SLC44A1: variants seen among roughly 807,000 people sequenced by gnomAD.
SLC44A1 encodes the protein solute carrier family 44 member 1.
A neutral mutation model predicts 79.3 loss-of-function variants in SLC44A1; 26 were observed. The ratio of observed to expected loss-of-function variants is 0.33; its 90% CI spans 0.24 to 0.46. The LOEUF (loss-of-function observed/expected upper bound fraction) is 0.46, where lower values mean the gene tolerates loss of function less well. Ranked by LOEUF, SLC44A1 falls within the 20% of genes least tolerant of loss-of-function variation. The pLI, the probability that SLC44A1 is intolerant of heterozygous loss-of-function variation, is 1.00. For synonymous variants in SLC44A1, 263 were observed against 286.2 expected, an observed-to-expected ratio of 0.92 and a Z score of 0.82; for missense variants, 688 against 798.1, an observed-to-expected ratio of 0.86 and a Z score of 1.66.
intron 15 of SLC44A1, among the ~76,000 whole-genome samples, chr9:105,431,949 G>A (rs1302020677): frequency 6.6e-6 from 1 of 152,182 alleles, no homozygotes; most frequent in Non-Finnish European, 1.5e-5. Flanking sequence ...TTGAGACAGG[G>A]TCTCACTCTG....
chr9:105,378,597 T>A (rs1398577151), intron 13 of SLC44A1, among the ~76,000 whole-genome samples: 1 of 152,064 alleles, frequency 6.6e-6, no homozygotes, highest in Non-Finnish European at 1.5e-5. Context: ...TTATAATATT[T>A]CAAATGACTT....
intron 1 of SLC44A1, among the ~76,000 whole-genome samples, chr9:105,252,993 C>T (rs147344678): frequency 3.0e-4 from 45 of 152,240 alleles, no homozygotes; most frequent in African/African-American, 1.0e-3. Context: ...CTCTGGGGGA[C>T]TCCTTTGTAA....
In SLC44A1 at chr9:105,390,347, TA is replaced by T. The variant is rs1347718897; in HGVS notation, c.*1298del. ...TAACTCCTTTTTGTTACAATTTTTT[TA>T]AAAAAAGCTATTTTTGTTAATGTAA... is the stretch of plus-strand genomic sequence containing the variant. On this transcript the variant is annotated 3_prime_UTR_variant, in exon 16 of 16. Coordinates refer to ENST00000374720, the MANE Select transcript of SLC44A1 (RefSeq NM_080546.5). The T allele has an allele frequency of 9.5e-6, 9 of 948,958 alleles. No homozygotes were observed. The South Asian group carries it at 1.5e-4, about 16-fold the overall frequency. The allele number at this position is 948,958 out of a possible 1,614,324, so 58.8% of individuals were successfully genotyped here.
intron 12 of SLC44A1, among the ~76,000 whole-genome samples, chr9:105,373,979 G>A (rs902099180): frequency 2.0e-5 from 3 of 152,202 alleles, no homozygotes; most frequent in African/African-American, 7.2e-5. Flanking sequence ...CCCAGAGCTG[G>A]AGGTAGTGAC....
intron 3 of SLC44A1, among the ~76,000 whole-genome samples, chr9:105,312,150 A>G (rs1450269682): frequency 3.3e-5 from 5 of 152,212 alleles, no homozygotes; most frequent in Admixed American, 3.3e-4. Context: ...AAGTCAACAA[A>G]TCAGTCCTCT....
intron 1 of SLC44A1, among the ~76,000 whole-genome samples, chr9:105,262,587 T>C (rs1186169183): frequency 2.0e-5 from 3 of 152,232 alleles, no homozygotes; most frequent in Non-Finnish European, 4.4e-5. Context: ...GGTGGCTCTT[T>C]TGTTGCTCTT....
chr9:105,251,010 C>T (rs555064179), intron 1 of SLC44A1, among the ~76,000 whole-genome samples: 1 of 152,150 alleles, frequency 6.6e-6, no homozygotes, highest in Non-Finnish European at 1.5e-5. Context: ...GCCACTCTTC[C>T]TTACCCTTTC....
intron 15 of SLC44A1, among the ~76,000 whole-genome samples, chr9:105,422,166 A>C (rs1404546144): frequency 6.6e-6 from 1 of 152,076 alleles, no homozygotes; most frequent in Non-Finnish European, 1.5e-5. Context: ...AGTAGTTAGA[A>C]ATTTCCCCTT....
intron 2 of SLC44A1, among the ~76,000 whole-genome samples, chr9:105,304,402 T>C: frequency 6.6e-6 from 1 of 152,226 alleles, no homozygotes; most frequent in East Asian, 1.9e-4. Context: ...GTTTCCTTTC[T>C]TTATTTTAAT....
In SLC44A1 at chr9:105,394,108, G is replaced by A. The variant is rs901883189; in HGVS notation, c.*5052G>A. ...ACTCAAAATGCTCATAGAATTTCAG[G>A]GCCCTCAGACGGCCAGCTTCCACCC... On this transcript the variant is annotated 3_prime_UTR_variant, in exon 16 of 16. Transcript: ENST00000374720. 2.7e-5 allele frequency: 27 copies of A among 985,344 alleles called. No homozygotes were observed. Among genetic ancestry groups the A allele is most frequent in the Non-Finnish European group, 3.1e-5 (26 of 829,938 alleles). The allele number at this position is 985,344 out of a possible 1,614,324, so 61.0% of individuals were successfully genotyped here.
intron 1 of SLC44A1, among the ~76,000 whole-genome samples, chr9:105,251,515 A>C (rs1375783034): frequency 6.6e-6 from 1 of 152,108 alleles, no homozygotes. Context: ...TCCTACTTAA[A>C]ACCCTTTAAT....
chr9:105,382,518 A>G (rs1056268204), intron 13 of SLC44A1, among the ~76,000 whole-genome samples: 8 of 152,310 alleles, frequency 5.3e-5, no homozygotes, highest in Admixed American at 3.9e-4. Context: ...AAGTTCTAAG[A>G]CTATACATGT....
intron 1 of SLC44A1, among the ~76,000 whole-genome samples, chr9:105,273,211 C>T (rs1055704188): frequency 2.6e-5 from 4 of 152,090 alleles, no homozygotes; most frequent in East Asian, 1.9e-4. Flanking sequence ...AGGCTCATCT[C>T]GAACTCCCGA....
In SLC44A1 at chr9:105,389,121, TTGTG is replaced by T; in HGVS notation, c.*72_*75del. On this transcript the variant is annotated 3_prime_UTR_variant, in exon 16 of 16. Transcript: ENST00000374720. ...ACAATATATACACATAACTATGTAT[TTGTG>T]TGTGTGGGTGTGTGTATATATGTAT... 6.3e-7 allele frequency: 1 copy of T among 1,588,900 alleles called. No individual in the cohort carries two copies. The highest frequency in any genetic ancestry group is 8.6e-7 in the Non-Finnish European group (1 of 1,159,058).
chr9:105,353,755 G>A (rs1827525991), intron 5 of SLC44A1, among the ~76,000 whole-genome samples: 2 of 152,172 alleles, frequency 1.3e-5, no homozygotes, highest in African/African-American at 2.4e-5. Context: ...TTCAAGGTTG[G>A]AGGCAAGTGA....
At chr9:105,368,044 A>C (rs1244147407) in intron 12 of SLC44A1, among the ~76,000 whole-genome samples, 1 of 152,214 alleles carries the variant, frequency 6.6e-6, no homozygotes, top group African/African-American at 2.4e-5. Flanking sequence ...AACTATAAAA[A>C]TCCTGAAAAG....
chr9:105,276,026 A>G (rs328011), intron 1 of SLC44A1, among the ~76,000 whole-genome samples: 30,736 of 151,856 alleles, frequency 0.2, 5,272 homozygotes, highest in African/African-American at 0.47. Context: ...GGTTGGTGTC[A>G]AACTCCTGGC....
chr9:105,342,986 A>AT (rs1564448048), intron 4 of SLC44A1, among the ~76,000 whole-genome samples: 85 of 145,600 alleles, frequency 5.8e-4, no homozygotes, highest in African/African-American at 1.8e-3. Flanking sequence ...AAAAAAAAAA[A>AT]AATATATATA....
chr9:105,297,768 G>A (rs1830765593), intron 1 of SLC44A1, among the ~76,000 whole-genome samples: 1 of 152,184 alleles, frequency 6.6e-6, no homozygotes, highest in Non-Finnish European at 1.5e-5. Flanking sequence ...TAGAGGGAGA[G>A]AGAACTAAGC....
Sources: allele counts gnomAD v4.1 joint callset (sites outside exome capture counted in the v4.1 genomes callset), GRCh38; gene constraint gnomAD v4.1.1; transcripts MANE v1.5; gene names NCBI Gene and HGNC (gene_info 2026-07-23, HGNC 2026-07-21).